CHN1: variants seen among roughly 807,000 people sequenced by gnomAD.
CHN1 encodes the protein N-chimaerin.
In CHN1, 37 loss-of-function variants were observed where a neutral mutation model predicts 59.5. The observed-to-expected ratio is 0.62, with a 90% confidence interval of 0.48 to 0.82. CHN1 has a LOEUF of 0.82. CHN1 is among the 40% of genes least tolerant of loss of function. CHN1 has a pLI of 0.00. For synonymous variants in CHN1, 206 were observed against 200.4 expected (o/e 1.03, Z -0.24); for missense variants, 469 against 571.0 (o/e 0.82, Z 1.82).
At chr2:174,850,068 A>C (rs2105440425) in intron 6 of CHN1, among the ~76,000 whole-genome samples, 1 of 152,316 alleles carries the variant, frequency 6.6e-6, no homozygotes, top group Non-Finnish European at 1.5e-5. Flanking sequence ...ATGTAGTAGG[A>C]AATGCAGACT....
chr2:174,814,543 C>A (rs1243486742), intron 8 of CHN1, among the ~76,000 whole-genome samples: 2 of 152,126 alleles, frequency 1.3e-5, no homozygotes, highest in African/African-American at 4.8e-5. Flanking sequence ...GTGAGTTGCT[C>A]AAATTTCCTG....
Position 174,944,892 on chromosome 2 carries a change from C to G in CHN1, c.110G>C (p.Cys37Ser). 6.3e-7 allele frequency: 1 copy of G among 1,581,050 alleles called. No individual in the cohort carries two copies. The highest frequency in any genetic ancestry group is 8.6e-7 in the Non-Finnish European group (1 of 1,161,846). ...APHPRRITCT[C>S]EVENRPKYYG... is the part of the protein sequence containing the mutation. ...TAGCAGTTTCATTACACCCACCTCGCAAGTACAGGTAATTCTTCGAGGATG... is the reference window on the plus strand; with the variant it reads ...TAGCAGTTTCATTACACCCACCTCGGAAGTACAGGTAATTCTTCGAGGATG... The change falls in exon 3 of 13, where the codon TGC (cysteine) becomes TCC (serine). Residue 37 changes from cysteine (C) to serine (S), a missense_variant. Coordinates refer to ENST00000409900, the MANE Select transcript of CHN1 (RefSeq NM_001822.7).
At chr2:174,828,374 C>T (rs188177166) in intron 7 of CHN1, among the ~76,000 whole-genome samples, 8 of 152,234 alleles carry the variant, frequency 5.3e-5, no homozygotes, top group Middle Eastern at 6.8e-3. Flanking sequence ...TTTTTACGTG[C>T]GTCGTTATGC....
chr2:174,815,115 A>C (rs1685201210), intron 8 of CHN1, among the ~76,000 whole-genome samples: 2 of 152,146 alleles, frequency 1.3e-5, no homozygotes, highest in South Asian at 4.1e-4. Context: ...AGTGGCTCAC[A>C]CCTATAATCC....
chr2:174,919,803 T>A (rs1688954979), intron 3 of CHN1, among the ~76,000 whole-genome samples: 1 of 151,972 alleles, frequency 6.6e-6, no homozygotes, highest in African/African-American at 2.4e-5. Flanking sequence ...AAATTTACCC[T>A]CAGCAATTTT....
chr2:174,992,682 G>A (rs566087166), intron 1 of CHN1, among the ~76,000 whole-genome samples: 2 of 152,266 alleles, frequency 1.3e-5, no homozygotes, highest in Admixed American at 6.5e-5. Context: ...CTTCTCCTAG[G>A]CCCTCTTCTC....
At chr2:174,926,316 C>G (rs542050723) in intron 3 of CHN1, among the ~76,000 whole-genome samples, 7 of 152,010 alleles carry the variant, frequency 4.6e-5, no homozygotes, top group Non-Finnish European at 7.4e-5. Context: ...ATCCTCCTAC[C>G]TCAGGCCCCT....
At chr2:174,934,139 CTTTA>C (rs1689431401) in intron 3 of CHN1, among the ~76,000 whole-genome samples, 1 of 152,130 alleles carries the variant, frequency 6.6e-6, no homozygotes, top group Non-Finnish European at 1.5e-5. Flanking sequence ...TTAGTGTGTA[CTTTA>C]TTTCTATTAT....
intron 8 of CHN1, among the ~76,000 whole-genome samples, chr2:174,813,075 G>A (rs1021743656): frequency 1.3e-5 from 2 of 152,130 alleles, no homozygotes; most frequent in Admixed American, 6.6e-5. Context: ...ACTAGTGCCA[G>A]GCACTATTCT....
At chr2:174,891,566 C>A in intron 5 of CHN1, among the ~76,000 whole-genome samples, 1 of 145,192 alleles carries the variant, frequency 6.9e-6, no homozygotes, top group Non-Finnish European at 1.5e-5. Context: ...GAGACTCCAT[C>A]TCAAAAAAAA....
chr2:174,853,838 G>A (rs1686819199), intron 6 of CHN1, among the ~76,000 whole-genome samples: 1 of 152,112 alleles, frequency 6.6e-6, no homozygotes, highest in African/African-American at 2.4e-5. Context: ...GATGAATGCA[G>A]GAACAGAAAC....
chr2:174,974,488 C>A (rs1445734482), intron 1 of CHN1, among the ~76,000 whole-genome samples: 1 of 152,080 alleles, frequency 6.6e-6, no homozygotes, highest in East Asian at 1.9e-4. Flanking sequence ...TGTGCTTTTA[C>A]CAGTCTGCAA....
At chr2:174,882,504 TTTTAC>T (rs1359089718) in intron 5 of CHN1, among the ~76,000 whole-genome samples, 1 of 152,220 alleles carries the variant, frequency 6.6e-6, no homozygotes, top group Non-Finnish European at 1.5e-5. Context: ...GCTTTCGGAA[TTTTAC>T]TTTACTTTAT....
rs141649271 is a variant in CHN1, at chr2:174,985,525, T to C, written c.19+19369A>G. On this transcript the variant is annotated intron_variant, in intron 1 of 12. Transcript: ENST00000409900. ...TTAGAGCAATTACTAATACCCATTG[T>C]TCTAATAAATGTCCATATTTTAAGA... 3.7e-3 allele frequency among the ~76,000 whole-genome samples: 570 copies of C among 152,310 alleles called. 4 individuals are homozygous for C. The highest frequency in any genetic ancestry group is 0.013 in the African/African-American group (546 of 41,570).
chr2:174,971,050 G>A (rs1006645741), intron 1 of CHN1, among the ~76,000 whole-genome samples: 3 of 152,180 alleles, frequency 2.0e-5, no homozygotes, highest in Admixed American at 6.5e-5. Context: ...TGGGCGTGGT[G>A]GCTCAAGCCT....
chr2:174,820,873 G>A (rs1229709482), intron 8 of CHN1, among the ~76,000 whole-genome samples: 1 of 152,154 alleles, frequency 6.6e-6, no homozygotes, highest in Non-Finnish European at 1.5e-5. Context: ...CAAAATTGCT[G>A]CTTTTGGCAT....
At position 174,878,217 on chromosome 2, in the gene CHN1, C is replaced by T. The variant is rs114984847; in HGVS notation, c.261-89G>A. ...AAAAACAAAAACAAAAAAAAACTAT[C>T]GCTTTGTTTTGTGTGTGTCTTCTTT... On this transcript the variant is annotated intron_variant, in intron 5 of 12. Coordinates refer to ENST00000409900, the MANE Select transcript of CHN1 (RefSeq NM_001822.7). The T allele has an allele frequency of 2.2e-3, 2,721 of 1,230,152 alleles. 41 individuals are homozygous for T. The African/African-American group carries it at 0.035, about 16-fold the overall frequency. The allele number at this position is 1,230,152 out of a possible 1,614,324, so 76.2% of individuals were successfully genotyped here.
intron 4 of CHN1, chr2:174,915,389 AC>A (rs1319221853): frequency 1.5e-5 from 7 of 474,782 alleles, no homozygotes; most frequent in Admixed American, 6.8e-5. Flanking sequence ...CCAAAGTACT[AC>A]CCAATCCAGT....
chr2:174,918,228 CTAATATA>C (rs1688906652), intron 4 of CHN1, among the ~76,000 whole-genome samples: 1 of 152,018 alleles, frequency 6.6e-6, no homozygotes, highest in Non-Finnish European at 1.5e-5. Flanking sequence ...ATCTATATAC[CTAATATA>C]TATGTACACA....
Sources: gnomAD v4.1 joint callset for allele counts (sites outside exome capture counted in the v4.1 genomes callset) on GRCh38, gnomAD v4.1.1 for gene constraint, MANE v1.5 for transcripts, NCBI Gene and HGNC (gene_info 2026-07-23, HGNC 2026-07-21) for gene names.